Variants in KCNIP4 observed in about 807,000 individuals in gnomAD.
KCNIP4 encodes potassium voltage-gated channel interacting protein 4.
Under a neutral mutation model 34.0 loss-of-function variants are expected in KCNIP4, and 12 were observed. The observed-to-expected ratio is 0.35, with a 90% CI of 0.23 to 0.57. The LOEUF is 0.57. Ranked by LOEUF, KCNIP4 falls within the 20% of genes least tolerant of loss-of-function variation. The pLI is 0.83. For synonymous variants in KCNIP4, 124 were observed against 102.2 expected (o/e 1.21, Z -1.29); for missense variants, 238 against 311.7 (o/e 0.76, Z 1.78).
chr4:21,379,289 C>T (rs1721256186), intron 1 of KCNIP4, among the ~76,000 whole-genome samples: 1 of 152,194 alleles, frequency 6.6e-6, no homozygotes, highest in Non-Finnish European at 1.5e-5. Flanking sequence ...CTTCTCACCA[C>T]TTCCAGGCTA....
intron 1 of KCNIP4, among the ~76,000 whole-genome samples, chr4:21,050,225 G>A (rs533676198): frequency 1.8e-4 from 28 of 152,204 alleles, no homozygotes; most frequent in African/African-American, 4.8e-4. Context: ...TCACAAGATC[G>A]TTATACTTGG....
intron 1 of KCNIP4, among the ~76,000 whole-genome samples, chr4:21,583,771 T>C (rs1577640038): frequency 1.3e-5 from 2 of 152,156 alleles, no homozygotes; most frequent in Middle Eastern, 6.8e-3. Context: ...TAGATGATTT[T>C]ACATGATAAA....
At chr4:20,825,867 T>C (rs558072135) in intron 3 of KCNIP4, among the ~76,000 whole-genome samples, 2 of 152,186 alleles carry the variant, frequency 1.3e-5, no homozygotes, top group African/African-American at 2.4e-5. Context: ...GGATTAGACA[T>C]GTAGGAAGAA....
chr4:21,151,916 G>A (rs956488313), intron 1 of KCNIP4, among the ~76,000 whole-genome samples: 1 of 152,116 alleles, frequency 6.6e-6, no homozygotes, highest in South Asian at 2.1e-4. Flanking sequence ...AGTTCCAACA[G>A]CCTGCACAAT....
At position 20,943,800 on chromosome 4, in the gene KCNIP4, C is replaced by T. The variant is rs116117327; in HGVS notation, c.62-61091G>A. On this transcript the variant is annotated intron_variant, in intron 1 of 8. Coordinates refer to ENST00000382152, the MANE Select transcript of KCNIP4 (RefSeq NM_025221.6). ...GTAATCAGGGCTAAGCATTTAGATC[C>T]CATACTAGCTCAACAAGGCACTGTT... 6.1e-3 allele frequency among the ~76,000 whole-genome samples: 922 copies of T among 152,162 alleles called. 7 individuals are homozygous for T. Among genetic ancestry groups the T allele is most frequent in the African/African-American group, 0.021 (857 of 41,512 alleles).
intron 1 of KCNIP4, among the ~76,000 whole-genome samples, chr4:21,439,900 T>C (rs1727304693): frequency 1.3e-5 from 2 of 152,210 alleles, no homozygotes; most frequent in South Asian, 4.1e-4. Context: ...TATCAGTAGA[T>C]CTGTTGACAA....
chr4:21,482,340 T>C (rs930747281), intron 1 of KCNIP4, among the ~76,000 whole-genome samples: 2 of 152,158 alleles, frequency 1.3e-5, no homozygotes, highest in Admixed American at 1.3e-4. Context: ...ATGTGTGAAT[T>C]TGATCCTGTC....
chr4:20,867,210 A>C (rs1450358255), intron 2 of KCNIP4, among the ~76,000 whole-genome samples: 1 of 152,026 alleles, frequency 6.6e-6, no homozygotes, highest in Non-Finnish European at 1.5e-5. Context: ...AAGCAATCCT[A>C]TAAGCAAAAG....
intron 1 of KCNIP4, among the ~76,000 whole-genome samples, chr4:20,895,046 C>T (rs145001149): frequency 1.4e-4 from 22 of 152,270 alleles, no homozygotes; most frequent in African/African-American, 4.8e-4. Flanking sequence ...TTGTAAGTGG[C>T]AGTATCAGGA....
intron 1 of KCNIP4, among the ~76,000 whole-genome samples, chr4:21,561,578 C>A (rs1040148561): frequency 4.6e-5 from 7 of 151,876 alleles, no homozygotes; most frequent in Non-Finnish European, 8.8e-5. Context: ...TGATGGTGGG[C>A]AGCAGCAGTT....
intron 2 of KCNIP4, among the ~76,000 whole-genome samples, chr4:20,856,462 G>A (rs1721584553): frequency 6.6e-6 from 1 of 152,112 alleles, no homozygotes; most frequent in African/African-American, 2.4e-5. Context: ...TCTGGTTCTT[G>A]TATAGCATGT....
chr4:20,892,288 T>C (rs895469359), intron 1 of KCNIP4, among the ~76,000 whole-genome samples: 1 of 152,196 alleles, frequency 6.6e-6, no homozygotes, highest in African/African-American at 2.4e-5. Flanking sequence ...CAAATGCAAA[T>C]GGAGTAAATT....
At chr4:21,222,404 G>C (rs1758046612) in intron 1 of KCNIP4, among the ~76,000 whole-genome samples, 1 of 152,104 alleles carries the variant, frequency 6.6e-6, no homozygotes, top group Non-Finnish European at 1.5e-5. Context: ...ATAGCTGATT[G>C]AGAAAATTTT....
intron 1 of KCNIP4, among the ~76,000 whole-genome samples, chr4:21,711,955 A>T (rs1325164310): frequency 6.6e-6 from 1 of 152,124 alleles, no homozygotes; most frequent in Non-Finnish European, 1.5e-5. Context: ...GCCTATACTC[A>T]TTGCAGCATA....
chr4:21,112,767 G>A (rs1749333113), intron 1 of KCNIP4, among the ~76,000 whole-genome samples: 1 of 152,110 alleles, frequency 6.6e-6, no homozygotes, highest in Admixed American at 6.5e-5. Context: ...ATAATCTGTA[G>A]TGTATTTGTC....
intron 1 of KCNIP4, among the ~76,000 whole-genome samples, chr4:21,002,892 A>C (rs6839733): frequency 1 from 151,732 of 152,294 alleles, 75,588 homozygotes; most frequent in Middle Eastern, 1. Flanking sequence ...AGAAATTGAA[A>C]CATTTTAACC....
intron 1 of KCNIP4, chr4:21,849,120 AT>A (rs1397069190): frequency 6.6e-6 from 1 of 152,132 alleles, no homozygotes; most frequent in East Asian, 1.9e-4. Flanking sequence ...GTCTCAGTTC[AT>A]TTGCAATGAA....
intron 1 of KCNIP4, chr4:21,718,892 T>G (rs1714586493): frequency 1.3e-5 from 2 of 152,214 alleles, no homozygotes; most frequent in African/African-American, 4.8e-5. Flanking sequence ...TTTTGCCATG[T>G]TTAGTGCATT....
At chr4:21,732,326 G>A (rs1715667961) in intron 1 of KCNIP4, among the ~76,000 whole-genome samples, 1 of 151,924 alleles carries the variant, frequency 6.6e-6, no homozygotes, top group Non-Finnish European at 1.5e-5. Context: ...ATAGCTCCAG[G>A]TCTTAAAATA....
Sources: gnomAD v4.1 joint callset for allele counts (sites outside exome capture counted in the v4.1 genomes callset) on GRCh38, gnomAD v4.1.1 for gene constraint, MANE v1.5 for transcripts, NCBI Gene and HGNC (gene_info 2026-07-23, HGNC 2026-07-21) for gene names.